TMEM135: variants seen among roughly 807,000 people sequenced by gnomAD.
The protein encoded by TMEM135 is transmembrane protein 135, also known as peroxisomal membrane protein 52.
Under a neutral mutation model 60.3 loss-of-function variants are expected in TMEM135, and 30 were observed. The observed-to-expected ratio is 0.50, with a 90% CI of 0.37 to 0.68. The LOEUF (loss-of-function observed/expected upper bound fraction) is 0.68. TMEM135 is among the 30% of genes least tolerant of loss of function. The probability of loss-of-function intolerance (pLI) is 0.00; values close to 1 mark genes in which losing one functional copy is unlikely to be tolerated. For synonymous variants in TMEM135, 190 were observed against 186.7 expected, an observed-to-expected ratio of 1.02 and a Z score of -0.14; for missense variants, 468 against 548.8, an observed-to-expected ratio of 0.85 and a Z score of 1.47.
At chr11:87,236,295 T>A (rs138466744) in intron 5 of TMEM135, among the ~76,000 whole-genome samples, 11 of 152,028 alleles carry the variant, frequency 7.2e-5, no homozygotes, top group Non-Finnish European at 1.5e-5. Context: ...CTGGGCCACA[T>A]TGGAAGAAGA....
intron 4 of TMEM135, among the ~76,000 whole-genome samples, chr11:87,153,133 A>G (rs1462085033): frequency 6.6e-6 from 1 of 152,216 alleles, no homozygotes; most frequent in Non-Finnish European, 1.5e-5. Flanking sequence ...TTCAAATTAC[A>G]TATTTTTGAT....
intron 5 of TMEM135, among the ~76,000 whole-genome samples, chr11:87,192,036 C>CAG (rs1235317016): frequency 8.0e-6 from 1 of 124,970 alleles, no homozygotes; most frequent in Non-Finnish European, 1.6e-5. Context: ...GGCTGGAGTG[C>CAG]AGTGGCGCGA....
rs1198162261 is a variant in TMEM135, at chr11:87,150,236, GA to G, written c.397-7098del. Among the ~76,000 whole-genome samples, 841 of 132,436 alleles carry G rather than the reference GA, an allele frequency of 6.4e-3. 14 individuals carry two copies. The highest frequency in any genetic ancestry group is 0.018 in the African/African-American group (646 of 35,670). The allele number at this position is 132,436 out of a possible 152,430, so 86.9% of individuals were successfully genotyped here. ...GTCTCAAAAAAAAAAAAAAAAAAAAGAAAAAAAGTGAAATGGTATGCTGCAA... is the reference window on the plus strand; with the variant it reads ...GTCTCAAAAAAAAAAAAAAAAAAAAGAAAAAAGTGAAATGGTATGCTGCAA... On this transcript the variant is annotated intron_variant, in intron 4 of 14. Transcript: ENST00000305494.
At chr11:87,168,457 C>CCTTATAGGGATACCTACTCTTACCG (rs1939130678) in intron 5 of TMEM135, among the ~76,000 whole-genome samples, 1 of 152,098 alleles carries the variant, frequency 6.6e-6, no homozygotes, top group African/African-American at 2.4e-5. Context: ...TATAAATTTC[C>CCTTATAGGGATACCTACTCTTACCG]CTCTAAAGAC....
At chr11:87,313,591 C>A in intron 11 of TMEM135, 103 bp downstream of exon 11, 2 of 1,033,560 alleles carry the variant, frequency 1.9e-6, no homozygotes, top group Non-Finnish European at 3.0e-6. Context: ...ATCTTCCTTT[C>A]TCTATCGTAA....
At chr11:87,206,715 G>A (rs1046733466) in intron 5 of TMEM135, among the ~76,000 whole-genome samples, 28 of 152,208 alleles carry the variant, frequency 1.8e-4, no homozygotes, top group African/African-American at 6.0e-4. Context: ...ATATTTAAAC[G>A]TATTTTGACA....
chr11:87,234,463 T>A (rs1940952770), intron 5 of TMEM135, among the ~76,000 whole-genome samples: 1 of 152,078 alleles, frequency 6.6e-6, no homozygotes, highest in Non-Finnish European at 1.5e-5. Context: ...TTTATTCTCC[T>A]AATTATTGGT....
chr11:87,210,070 T>G (rs1451829528), intron 5 of TMEM135, among the ~76,000 whole-genome samples: 3 of 151,988 alleles, frequency 2.0e-5, no homozygotes, highest in Non-Finnish European at 4.4e-5. Flanking sequence ...AACAAGAAAG[T>G]AGAAAGATCT....
At chr11:87,314,973 A>G (rs920227878) in intron 12 of TMEM135, among the ~76,000 whole-genome samples, 5 of 151,952 alleles carry the variant, frequency 3.3e-5, no homozygotes, top group Admixed American at 1.3e-4. Context: ...TATCATTATC[A>G]TACATTAAAA....
intron 6 of TMEM135, among the ~76,000 whole-genome samples, chr11:87,245,221 G>T (rs866699844): frequency 2.7e-4 from 41 of 151,486 alleles, no homozygotes; most frequent in South Asian, 8.4e-4. Flanking sequence ...AGAGACAGTT[G>T]GTTATAATTT....
chr11:87,096,180 G>T, intron 4 of TMEM135: 1 of 300,168 alleles, frequency 3.3e-6, no homozygotes, highest in Non-Finnish European at 6.5e-6. Context: ...ACTAGCAAAA[G>T]TTTTTTATCC....
chr11:87,198,517 T>G, intron 5 of TMEM135, among the ~76,000 whole-genome samples: 1 of 135,302 alleles, frequency 7.4e-6, no homozygotes, highest in East Asian at 2.5e-4. Context: ...TCCTCCCCGC[T>G]CTGTTTCTCC....
chr11:87,079,773 T>G (rs1169940541), intron 3 of TMEM135, among the ~76,000 whole-genome samples: 2 of 151,980 alleles, frequency 1.3e-5, no homozygotes, highest in Admixed American at 1.3e-4. Context: ...GGATGTAATA[T>G]TTTGTTATAT....
rs1017566334 is a variant in TMEM135, at chr11:87,157,508, G to A, written c.462+102G>A. 3.0e-6 allele frequency: 3 copies of A among 1,013,908 alleles called. No homozygotes were observed. In the African/African-American group the frequency reaches 4.8e-5, roughly 16 times the overall value. The allele number at this position is 1,013,908 out of a possible 1,614,324, so 62.8% of individuals were successfully genotyped here. On this transcript the variant is annotated intron_variant, in intron 5 of 14. Transcript: ENST00000305494. ...TCTATGATGCTTTGTCTAAGAAATA[G>A]AGAGATATCTGATGTATATAATATT...
At chr11:87,236,763 A>T in intron 6 of TMEM135, 79 bp downstream of exon 6, 1 of 1,368,530 alleles carries the variant, frequency 7.3e-7, no homozygotes, top group Non-Finnish European at 1.0e-6. Flanking sequence ...AAACTAAAGT[A>T]TTCTCCAAAT....
chr11:87,269,512 C>G (rs1313395862), intron 6 of TMEM135, among the ~76,000 whole-genome samples: 2 of 150,814 alleles, frequency 1.3e-5, no homozygotes, highest in African/African-American at 4.9e-5. Flanking sequence ...CACCCCACAA[C>G]AGTCCCCAGA....
intron 1 of TMEM135, among the ~76,000 whole-genome samples, chr11:87,060,039 G>A: frequency 6.6e-6 from 1 of 152,156 alleles, no homozygotes; most frequent in Non-Finnish European, 1.5e-5. Flanking sequence ...GCTTGAACCG[G>A]GAGGTGTAGG....
intron 4 of TMEM135, among the ~76,000 whole-genome samples, chr11:87,144,500 C>T (rs997406038): frequency 2.1e-4 from 32 of 152,060 alleles, no homozygotes; most frequent in African/African-American, 7.0e-4. Flanking sequence ...TGCCTGCAGG[C>T]GTTGCTTTTT....
In TMEM135 at chr11:87,286,445, C is replaced by G. The variant is rs542492905; in HGVS notation, c.510-9337C>G. 1.4e-3 allele frequency among the ~76,000 whole-genome samples: 213 copies of G among 152,330 alleles called. 1 individual carries two copies. The highest frequency in any genetic ancestry group is 4.9e-3 in the African/African-American group (202 of 41,564). Reference sequence around the variant, plus strand: ...CCAAGTCCCCACCCGACTCAGGAGCCCAGCTGGCTTCGCCTAGTGGACCCT... The same window carrying G: ...CCAAGTCCCCACCCGACTCAGGAGCGCAGCTGGCTTCGCCTAGTGGACCCT... On this transcript the variant is annotated intron_variant, in intron 6 of 14. Transcript: ENST00000305494.
Sources: gnomAD v4.1 joint callset for allele counts (sites outside exome capture counted in the v4.1 genomes callset) on GRCh38, gnomAD v4.1.1 for gene constraint, MANE v1.5 for transcripts, NCBI Gene and HGNC (gene_info 2026-07-23, HGNC 2026-07-21) for gene names.